Variants in NDUFAF7 observed in about 807,000 individuals in gnomAD.
NDUFAF7 encodes protein arginine methyltransferase NDUFAF7, mitochondrial.
Under a neutral mutation model 47.2 loss-of-function variants are expected in NDUFAF7, and 48 were observed. The ratio of observed to expected loss-of-function variants is 1.02; its 90% confidence interval spans 0.81 to 1.29. The LOEUF is 1.29. NDUFAF7 is among the 50% of genes most tolerant of loss of function. NDUFAF7 has a pLI of 0.00. For missense variants in NDUFAF7, 635 were observed against 537.6 expected (o/e 1.18, Z -1.79); for synonymous variants, 217 against 190.0 (o/e 1.14, Z -1.17).
chr2:37,242,552 G>A (rs538639588), intron 5 of NDUFAF7, 83 bp from the exon 6 acceptor site: 56 of 1,096,112 alleles, frequency 5.1e-5, no homozygotes, highest in East Asian at 2.5e-4. Context: ...GGAGGAAGTA[G>A]GCATTTTTTT....
chr2:37,252,153 AG>A (rs1667551478), downstream of NDUFAF7: 1 of 152,230 alleles, frequency 6.6e-6, no homozygotes, highest in Non-Finnish European at 1.5e-5. Context: ...AAAACACTCC[AG>A]ATATCTGCAA....
chr2:37,239,985 T>C (rs1416816906), intron 4 of NDUFAF7, among the ~76,000 whole-genome samples: 1 of 152,226 alleles, frequency 6.6e-6, no homozygotes, highest in African/African-American at 2.4e-5. Flanking sequence ...TCTATCAGTC[T>C]ACGTACTATT....
rs535864421 is a variant in NDUFAF7 at position 37,231,670 on chromosome 2, G to C, written c.-36G>C. Reference sequence around the variant, plus strand: ...TCTCCCGGAAATGGTCTAAGCCCCAGCTCCTGGCGGAGCGAGCTAGCCTGC... The same window carrying C: ...TCTCCCGGAAATGGTCTAAGCCCCACCTCCTGGCGGAGCGAGCTAGCCTGC... On this transcript the variant is annotated 5_prime_UTR_variant, in exon 1 of 10. Coordinates refer to ENST00000002125, the MANE Select transcript of NDUFAF7 (RefSeq NM_144736.5). 0.029 allele frequency: 47,535 copies of C among 1,611,546 alleles called. 817 individuals are homozygous for C. Among genetic ancestry groups the C allele is most frequent in the South Asian group, 0.036 (3,319 of 90,984 alleles).
chr2:37,236,097 G>T lies in NDUFAF7; in HGVS notation c.218G>T (p.Gly73Val), dbSNP rs1327648305. The T allele has an allele frequency of 2.5e-6, 4 of 1,611,328 alleles. No individual in the cohort carries two copies. The South Asian group carries it at 3.3e-5, about 13-fold the overall frequency. ...MKEVLTNPAKGYYVYRDMLGE... is the reference protein window; with the variant it reads ...MKEVLTNPAKVYYVYRDMLGE... ...TCTCTATTTTCTCTTTTTACTCAGG[G>T]TTATTATGTGTACCGTGACATGCTA... Residue 73 changes from glycine (G) to valine (V), a missense_variant and splice_region_variant, in exon 3 of 10, where the codon GGT becomes GTT. Physicochemically the swap from Gly to Val is moderately radical, Grantham distance 109. Transcript: ENST00000002125.
chr2:37,252,143 A>AGGGG (rs1667550483), downstream of NDUFAF7: 1 of 152,198 alleles, frequency 6.6e-6, no homozygotes, highest in Non-Finnish European at 1.5e-5. Flanking sequence ...AATTGACTTT[A>AGGGG]AAACACTCCA....
At chr2:37,254,126 G>T (rs1667745725), downstream of NDUFAF7, 4 of 999,298 alleles carry the variant, frequency 4.0e-6, no homozygotes, top group South Asian at 3.9e-5. Context: ...TGATCTTAGA[G>T]TGGTCTCATT....
chr2:37,267,457 T>C, the NDUFAF7 span: 7 of 1,608,116 alleles, frequency 4.4e-6, no homozygotes, highest in Admixed American at 3.3e-5. Flanking sequence ...CATTACGGAG[T>C]TGACTTTCTT....
At chr2:37,270,494 CT>C in the NDUFAF7 span, among the ~76,000 whole-genome samples, 5 of 151,242 alleles carry the variant, frequency 3.3e-5, no homozygotes, top group African/African-American at 9.7e-5. Context: ...GCCCCCTTCC[CT>C]TTTTTTTTCT....
downstream of NDUFAF7, chr2:37,252,118 C>G (rs1188746403): frequency 6.6e-6 from 1 of 152,186 alleles, no homozygotes; most frequent in Non-Finnish European, 1.5e-5. Flanking sequence ...CACATCCCCT[C>G]AAACTGCTTA....
At chr2:37,259,065 C>T in the NDUFAF7 span, among the ~76,000 whole-genome samples, 1 of 148,274 alleles carries the variant, frequency 6.7e-6, no homozygotes, top group South Asian at 2.2e-4. Flanking sequence ...AAAAAAAAAA[C>T]TCAACTGAAT....
chr2:37,269,215 A>C, the NDUFAF7 span: 1 of 194,036 alleles, frequency 5.2e-6, no homozygotes, highest in Non-Finnish European at 1.1e-5. Flanking sequence ...TCAGGTTTTC[A>C]GACTTAATAG....
Position 37,243,926 on chromosome 2 carries a change from A to G in NDUFAF7, c.745A>G (p.Arg249Gly), listed in dbSNP as rs1489563772. Residue 249 changes from arginine to glycine, a missense_variant, in exon 7 of 10, where the codon AGG (arginine) becomes GGG (glycine). Arg to Gly is a moderately radical substitution (Grantham distance 125). Coordinates refer to ENST00000002125, the MANE Select transcript of NDUFAF7 (RefSeq NM_144736.5). ...DIDPQVSDKLRFVLAPSATPA... is the reference protein window; with the variant it reads ...DIDPQVSDKLGFVLAPSATPA... The stretch of plus-strand genomic sequence containing the variant: ...TGATCCACAGGTTTCTGATAAACTG[A>G]GGTTTGTTTTGGCACCTTCTGCCAC... The G allele has an allele frequency of 3.7e-6, 6 of 1,614,110 alleles. No individual in the cohort carries two copies. In the Admixed American group the frequency reaches 1.0e-4, roughly 27 times the overall value.
intron 7 of NDUFAF7, 107 bp from the exon 8 acceptor site, chr2:37,245,945 T>C: frequency 7.8e-7 from 1 of 1,281,748 alleles, no homozygotes; most frequent in Non-Finnish European, 1.1e-6. Context: ...TAAGAATTTA[T>C]TTTTATTAAA....
rs1235461042 is a variant in NDUFAF7 at position 37,246,054 on chromosome 2, T to G, written c.795T>G (p.His265Gln). The G allele has an allele frequency of 1.9e-5, 31 of 1,613,646 alleles. No individual in the cohort carries two copies. Among genetic ancestry groups the G allele is most frequent in the Non-Finnish European group, 2.6e-5 (31 of 1,179,792 alleles). ...TCTTGCAATGATCCCTTTACTAGCA[T>G]GACGAAACAAGGGATCATGTTGAAG... ...SATPAEAFIQ[H>Q]DETRDHVEVC... is the part of the protein sequence containing the mutation. Residue 265 changes from histidine (H) to glutamine (Q), a missense_variant and splice_region_variant, in exon 8 of 10, where the codon CAT becomes CAG. His to Gln is a conservative substitution (Grantham distance 24). Coordinates refer to ENST00000002125, the MANE Select transcript of NDUFAF7 (RefSeq NM_144736.5).
chr2:37,260,414 A>T, the NDUFAF7 span: 6 of 1,574,394 alleles, frequency 3.8e-6, no homozygotes, highest in Non-Finnish European at 5.2e-6. Context: ...TACATGAGCA[A>T]CTTAAGCAGA....
At chr2:37,253,605 G>A (rs1017412691), downstream of NDUFAF7, among the ~76,000 whole-genome samples, 3 of 152,074 alleles carry the variant, frequency 2.0e-5, no homozygotes, top group African/African-American at 7.2e-5. Context: ...TTTGCTTCAG[G>A]CTTCTTAGGT....
the NDUFAF7 span, chr2:37,260,392 G>A: frequency 6.2e-7 from 1 of 1,606,316 alleles, no homozygotes; most frequent in Non-Finnish European, 8.5e-7. Flanking sequence ...ATTCTGAAGA[G>A]AGGTTGCAAG....
rs1251612588 is a variant in NDUFAF7 at position 37,232,089 on chromosome 2, A to C, written c.56-17A>C. The C allele has an allele frequency of 3.1e-6, 5 of 1,614,002 alleles. No individual in the cohort carries two copies. The highest frequency in any genetic ancestry group is 4.2e-6 in the Non-Finnish European group (5 of 1,180,010). ...TCAGATTTATCATGGGGTCTGTTTA[A>C]TTTGTGTTTTTCGCAGCCATTCCTT... On this transcript the variant is annotated splice_polypyrimidine_tract_variant and intron_variant, in intron 1 of 9. Coordinates refer to ENST00000002125, the MANE Select transcript of NDUFAF7 (RefSeq NM_144736.5).
the NDUFAF7 span, among the ~76,000 whole-genome samples, chr2:37,265,629 T>A: frequency 3.9e-5 from 6 of 152,114 alleles, no homozygotes; most frequent in African/African-American, 1.4e-4. Flanking sequence ...GAAAAAGTAC[T>A]TAAGTATAAA....
Sources: allele counts gnomAD v4.1 joint callset (sites outside exome capture counted in the v4.1 genomes callset), GRCh38; gene constraint gnomAD v4.1.1; transcripts MANE v1.5; gene names NCBI Gene and HGNC (gene_info 2026-07-23, HGNC 2026-07-21).